Variants in BICC1 observed in about 807,000 individuals in gnomAD.
BICC1 encodes the protein BicC family RNA binding protein 1, also known as protein bicaudal C homolog 1.
In BICC1, 43 loss-of-function variants were observed where a neutral mutation model predicts 111.0. The ratio of observed to expected loss-of-function variants is 0.39; its 90% CI spans 0.30 to 0.50. BICC1 has a LOEUF of 0.50. BICC1 is among the 20% of genes least tolerant of loss of function. BICC1 has a pLI of 0.88. For synonymous variants in BICC1, 467 were observed against 434.4 expected, an observed-to-expected ratio of 1.07 and a Z score of -0.93; for missense variants, 1,091 against 1,203.2, an observed-to-expected ratio of 0.91 and a Z score of 1.38.
At chr10:58,771,470 G>A (rs536709900) in intron 3 of BICC1, among the ~76,000 whole-genome samples, 12 of 152,190 alleles carry the variant, frequency 7.9e-5, no homozygotes, top group African/African-American at 2.9e-4. Flanking sequence ...GGATAATGGG[G>A]TAGCATGTAA....
chr10:58,725,214 A>G (rs951403050), intron 3 of BICC1, among the ~76,000 whole-genome samples: 1 of 152,192 alleles, frequency 6.6e-6, no homozygotes, highest in Non-Finnish European at 1.5e-5. Context: ...TGTTGCAAAT[A>G]TCGATCATGC....
chr10:58,731,772 T>C (rs9416730), intron 3 of BICC1, among the ~76,000 whole-genome samples: 151,145 of 151,922 alleles, frequency 0.99, 75,193 homozygotes, highest in Middle Eastern at 1. Flanking sequence ...TTTTAAACAA[T>C]CAGATCTCTC....
chr10:58,813,401 T>G (rs1218708458), intron 17 of BICC1, among the ~76,000 whole-genome samples: 1 of 152,084 alleles, frequency 6.6e-6, no homozygotes. Context: ...TCTATTAGCA[T>G]TTTGAGAAGC....
Position 58,787,065 on chromosome 10 carries a change from C to A in BICC1, c.530C>A (p.Ala177Glu). The A allele has an allele frequency of 6.3e-7, 1 of 1,581,128 alleles. No homozygotes were observed. Among genetic ancestry groups the A allele is most frequent in the Non-Finnish European group, 8.6e-7 (1 of 1,168,710 alleles). ...HFPDSNRNNQ[A>E]EKSNQVSIAG... ...CCAGATTCCAACAGGAATAACCAAG[C>A]AGAAAAAAGCAACCAGGTGGTTTGT... Residue 177 changes from alanine (A) to glutamate (E), a missense_variant, in exon 5 of 21, where the codon GCA becomes GAA. This residue lies in a region of BICC1 where 843 missense variants were observed against 900.8 expected (regional missense o/e 0.94). Transcript: ENST00000373886.
intron 1 of BICC1, among the ~76,000 whole-genome samples, chr10:58,566,223 T>C (rs940567851): frequency 2.0e-5 from 3 of 151,288 alleles, no homozygotes; most frequent in African/African-American, 7.3e-5. Context: ...CTTGCATATG[T>C]GTATATCTAT....
At chr10:58,695,837 T>C (rs1340451180) in intron 2 of BICC1, among the ~76,000 whole-genome samples, 1 of 152,204 alleles carries the variant, frequency 6.6e-6, no homozygotes, top group Admixed American at 6.5e-5. Context: ...GAGATAAATC[T>C]ATTATGACTT....
At chr10:58,603,585 C>T (rs1439222095) in intron 1 of BICC1, among the ~76,000 whole-genome samples, 1 of 151,810 alleles carries the variant, frequency 6.6e-6, no homozygotes, top group Non-Finnish European at 1.5e-5. Context: ...GTCAGTGTGT[C>T]CAATGAAAAA....
intron 1 of BICC1, among the ~76,000 whole-genome samples, chr10:58,547,982 C>T (rs890482747): frequency 2.6e-5 from 4 of 152,244 alleles, no homozygotes; most frequent in Admixed American, 2.0e-4. Context: ...CTGCTATGCT[C>T]ATTGCTACTG....
At chr10:58,657,844 A>T (rs145277510) in intron 2 of BICC1, among the ~76,000 whole-genome samples, 2 of 152,150 alleles carry the variant, frequency 1.3e-5, no homozygotes, top group Non-Finnish European at 2.9e-5. Context: ...ACATATTATT[A>T]CAATGTGTGG....
At chr10:58,524,642 T>C (rs1215374677) in intron 1 of BICC1, among the ~76,000 whole-genome samples, 1 of 152,024 alleles carries the variant, frequency 6.6e-6, no homozygotes, top group African/African-American at 2.4e-5. Context: ...ATTCAGGACA[T>C]ATGCATGGGC....
At chr10:58,769,404 G>GTGTGTATA (rs1050060686) in intron 3 of BICC1, among the ~76,000 whole-genome samples, 86 of 109,748 alleles carry the variant, frequency 7.8e-4, no homozygotes, top group African/African-American at 2.6e-3. Context: ...GTGTGTGTGT[G>GTGTGTATA]TATATATATA....
intron 1 of BICC1, among the ~76,000 whole-genome samples, chr10:58,601,820 A>G (rs999075185): frequency 2.0e-5 from 3 of 152,132 alleles, no homozygotes; most frequent in Admixed American, 2.0e-4. Context: ...TACACCATTT[A>G]AAAAAGGATG....
chr10:58,601,181 A>C (rs1437070478), intron 1 of BICC1, among the ~76,000 whole-genome samples: 1 of 64,492 alleles, frequency 1.6e-5, no homozygotes. Flanking sequence ...TCTCCCAATA[A>C]AATTTGGAAA....
At chr10:58,779,264 G>A (rs949680675) in intron 3 of BICC1, among the ~76,000 whole-genome samples, 1 of 152,170 alleles carries the variant, frequency 6.6e-6, no homozygotes, top group African/African-American at 2.4e-5. Flanking sequence ...CTCAGATAGG[G>A]TTTGAAGTAG....
intron 1 of BICC1, among the ~76,000 whole-genome samples, chr10:58,559,296 C>T (rs546556881): frequency 5.6e-4 from 84 of 151,256 alleles, no homozygotes; most frequent in Non-Finnish European, 1.1e-3. Flanking sequence ...TGGTAGCATG[C>T]TTACTCACTT....
intron 1 of BICC1, among the ~76,000 whole-genome samples, chr10:58,613,087 A>G (rs550094324): frequency 6.6e-6 from 1 of 152,376 alleles, no homozygotes; most frequent in African/African-American, 2.4e-5. Flanking sequence ...TGGAGAAATT[A>G]TAATAAACAT....
intron 18 of BICC1, among the ~76,000 whole-genome samples, chr10:58,814,618 T>TAAA (rs35500718): frequency 8.7e-6 from 1 of 114,756 alleles, no homozygotes; most frequent in African/African-American, 3.3e-5. Flanking sequence ...TCATCTCTAC[T>TAAA]AAAAAAAAAA....
chr10:58,553,549 C>A (rs1370719326), intron 1 of BICC1, among the ~76,000 whole-genome samples: 2 of 152,068 alleles, frequency 1.3e-5, no homozygotes, highest in Non-Finnish European at 2.9e-5. Context: ...AACTGTAAGA[C>A]AATAAATTTG....
At chr10:58,807,220 CT>C in intron 17 of BICC1, 62 bp downstream of exon 17, 4 of 1,487,300 alleles carry the variant, frequency 2.7e-6, no homozygotes, top group Non-Finnish European at 2.7e-6. Flanking sequence ...GAGGACAGTC[CT>C]TCCCCCACCC....
Sources: gnomAD v4.1 joint callset for allele counts (sites outside exome capture counted in the v4.1 genomes callset) on GRCh38, gnomAD v4.1.1 for gene constraint, gnomAD v4.1.1 regional missense constraint, MANE v1.5 for transcripts, NCBI Gene and HGNC (gene_info 2026-07-23, HGNC 2026-07-21) for gene names.